The following NUP214 variants were observed in gnomAD, a reference collection of about 807,000 sequenced individuals.
The protein encoded by NUP214 is nuclear pore complex protein Nup214.
NUP214 carries 79 observed loss-of-function variants against 196.2 expected under a neutral mutation model. That is an observed-to-expected ratio of 0.40 (90% CI 0.34 to 0.49). NUP214 has a LOEUF of 0.49. NUP214 is among the 20% of genes least tolerant of loss of function. NUP214 has a pLI of 0.58. For synonymous variants in NUP214, 1,020 were observed against 990.5 expected, an observed-to-expected ratio of 1.03 and a Z score of -0.56; for missense variants, 2,468 against 2,539.0, an observed-to-expected ratio of 0.97 and a Z score of 0.60.
intron 30 of NUP214, among the ~76,000 whole-genome samples, chr9:131,205,085 G>C (rs560900733): frequency 5.1e-4 from 78 of 152,226 alleles, no homozygotes; most frequent in African/African-American, 1.8e-3. Flanking sequence ...TAGCAGACCT[G>C]ACTCCAGTCT....
chr9:131,202,159 G>A (rs559680723), intron 30 of NUP214, among the ~76,000 whole-genome samples: 6 of 152,162 alleles, frequency 3.9e-5, no homozygotes, highest in South Asian at 4.1e-4. Context: ...ACACAGTCTC[G>A]CTATGTTGTC....
intron 31 of NUP214, among the ~76,000 whole-genome samples, 182 bp downstream of exon 31, chr9:131,215,550 T>C (rs1344711721): frequency 1.3e-5 from 2 of 150,038 alleles, no homozygotes; most frequent in African/African-American, 4.9e-5. Flanking sequence ...TTTAATGAGA[T>C]GTCCTATATA....
Position 131,175,781 on chromosome 9 carries a change from GAA to G in NUP214, c.3319+162_3319+163del, listed in dbSNP as rs894559136. The G allele has an allele frequency of 2.1e-5, 23 of 1,093,074 alleles. No homozygotes were observed. The African/African-American group carries it at 3.4e-4, about 16-fold the overall frequency. The allele number at this position is 1,093,074 out of a possible 1,614,324, so 67.7% of individuals were successfully genotyped here. ...CTCCCCTTTGTGGAGAGAGTTCTAA[GAA>G]AGCAGAGACTAGGTCTGAAAATCTT... On this transcript the variant is annotated intron_variant, in intron 23 of 35. Coordinates refer to ENST00000359428, the MANE Select transcript of NUP214 (RefSeq NM_005085.4).
At position 131,197,345 on chromosome 9, in the gene NUP214, C is replaced by T. The variant is rs376295226; in HGVS notation, c.3851C>T (p.Thr1284Ile). 1 of 1,614,198 alleles carries T rather than the reference C, an allele frequency of 6.2e-7. No individual in the cohort carries two copies. ...PSGITSASNT[T>I]PGEPAASSSR... ...GGAATCACATCCGCATCAAACACCA[C>T]CCCAGGAGAACCTGCCGCATCTAGC... The change falls in exon 29 of 36, where the codon ACC becomes ATC. Residue 1284 changes from threonine to isoleucine, a missense_variant. Around this residue, in one of 5 missense-constraint regions of NUP214, gnomAD observed 1,801 missense variants for 1,779.4 expected, o/e 1.01. Coordinates refer to ENST00000359428, the MANE Select transcript of NUP214 (RefSeq NM_005085.4).
chr9:131,230,536 G>A (rs1834845192), intron 33 of NUP214, 94 bp from the exon 34 acceptor site: 2 of 1,446,226 alleles, frequency 1.4e-6, no homozygotes, highest in Non-Finnish European at 1.9e-6. Flanking sequence ...TGAGTGTCGT[G>A]TGTATTGGGA....
intron 28 of NUP214, 47 bp downstream of exon 28, chr9:131,195,341 T>TTA (rs1366029117): frequency 1.4e-6 from 2 of 1,475,288 alleles, no homozygotes; most frequent in Non-Finnish European, 9.5e-7. Flanking sequence ...TTTCTCTAAA[T>TTA]AAGTACAGGT....
chr9:131,171,547 C>CTT (rs11334591), intron 21 of NUP214, among the ~76,000 whole-genome samples: 1 of 127,350 alleles, frequency 7.9e-6, no homozygotes, highest in African/African-American at 3.0e-5. Flanking sequence ...GGAAGATTTT[C>CTT]TTTTTTTTTT....
At position 131,146,928 on chromosome 9, in the gene NUP214, CAA is replaced by C. The variant is rs562513502; in HGVS notation, c.1946-549_1946-548del. Among the ~76,000 whole-genome samples, 7 of 135,256 alleles carry C rather than the reference CAA, an allele frequency of 5.2e-5. No homozygotes were observed. The highest frequency in any genetic ancestry group is 2.3e-4 in the Admixed American group (3 of 13,250). The allele number at this position is 135,256 out of a possible 152,430, so 88.7% of individuals were successfully genotyped here. A position where few individuals can be genotyped will look rare whatever the true frequency, so the allele number is the denominator to read the frequency against. On this transcript the variant is annotated intron_variant, in intron 13 of 35. Coordinates refer to ENST00000359428, the MANE Select transcript of NUP214 (RefSeq NM_005085.4). This position sits in a 1 kb window ranked among gnomAD's most constrained non-coding sequence, Gnocchi z 4.6. ...CTGGCGACAGAGCGAGACTCTGTCTCAAAAAAAAAAAAAAGTACAGAGGAGAG... is the reference window on the plus strand; with the variant it reads ...CTGGCGACAGAGCGAGACTCTGTCTCAAAAAAAAAAAAGTACAGAGGAGAG...
Position 131,174,301 on chromosome 9 carries a change from G to T in NUP214, c.3140G>T (p.Gly1047Val). The T allele has an allele frequency of 1.2e-6, 2 of 1,612,534 alleles. No individual in the cohort carries two copies. The highest frequency in any genetic ancestry group is 1.7e-6 in the Non-Finnish European group (2 of 1,179,626). ...KSHLVHGSSP[G>V]VMGTSVATSA... ...CACCTGGTTCATGGTTCTTCACCTG[G>T]TGTGATGGGAACTTCAGGTAAGTAA... Residue 1047 changes from glycine (G) to valine (V), a missense_variant, in exon 22 of 36, where the codon GGT becomes GTT. Gly to Val is a moderately radical substitution (Grantham distance 109, BLOSUM62 -3). Coordinates refer to ENST00000359428, the MANE Select transcript of NUP214 (RefSeq NM_005085.4).
At chr9:131,203,030 C>G (rs1224757419) in intron 30 of NUP214, among the ~76,000 whole-genome samples, 2 of 151,876 alleles carry the variant, frequency 1.3e-5, no homozygotes, top group African/African-American at 4.8e-5. Context: ...ACTGCAAGCT[C>G]TGCCTCCCAG....
chr9:131,169,024 G>GTTTTT (rs539553381), intron 21 of NUP214, among the ~76,000 whole-genome samples: 13 of 48,908 alleles, frequency 2.7e-4, no homozygotes, highest in African/African-American at 8.7e-4. Flanking sequence ...TGCTTACTTT[G>GTTTTT]TTTTTTTTTG....
intron 30 of NUP214, among the ~76,000 whole-genome samples, chr9:131,214,420 A>G (rs1275785959): frequency 1.3e-5 from 2 of 152,200 alleles, no homozygotes; most frequent in Non-Finnish European, 2.9e-5. Flanking sequence ...GAGGATCCAT[A>G]GCACCGCTCT....
At position 131,159,385 on chromosome 9, in the gene NUP214, A is replaced by G. The variant is rs1832556355; in HGVS notation, c.2439A>G (p.Glu813=). 6.2e-7 allele frequency: 1 copy of G among 1,611,422 alleles called. No individual in the cohort carries two copies. Among genetic ancestry groups the G allele is most frequent in the African/African-American group, 1.3e-5 (1 of 74,826 alleles). ...LDPKSEAQLQ[E]IRRLHQYVKF... Reference sequence around the variant, plus strand: ...GCCTTTTAATTTTTTTCTTATAGGAAATTCGGCGCCTTCATCAGTATGTGA... The same window carrying G: ...GCCTTTTAATTTTTTTCTTATAGGAGATTCGGCGCCTTCATCAGTATGTGA... The change falls in exon 18 of 36, where the codon GAA becomes GAG. Residue 813 remains glutamate (E), a splice_region_variant and synonymous_variant. Transcript: ENST00000359428.
At chr9:131,222,746 C>T in intron 31 of NUP214, 32 bp from the exon 32 acceptor site, 1 of 1,601,262 alleles carries the variant, frequency 6.2e-7, no homozygotes, top group Non-Finnish European at 8.5e-7. Context: ...ATTTGTCTCC[C>T]TCTGACCTCC....
At chr9:131,126,086 G>T in intron 1 of NUP214, 1 of 341,784 alleles carries the variant, frequency 2.9e-6, no homozygotes, top group Non-Finnish European at 5.4e-6. Flanking sequence ...AGTCGTTAAC[G>T]TAGAGGAGTA....
Position 131,197,206 on chromosome 9 carries a change from T to C in NUP214, c.3722-10T>C. ...ATCCAACCCATTTTCTGATTTCTTT[T>C]TCTTGCTAGGGGCAACACCCTCCAC... On this transcript the variant is annotated splice_polypyrimidine_tract_variant and intron_variant, in intron 28 of 35. Coordinates refer to ENST00000359428, the MANE Select transcript of NUP214 (RefSeq NM_005085.4). 6.2e-7 allele frequency: 1 copy of C among 1,607,582 alleles called. No homozygotes were observed. Among genetic ancestry groups the C allele is most frequent in the Non-Finnish European group, 8.5e-7 (1 of 1,175,290 alleles).
chr9:131,218,121 C>T (rs540437161), intron 31 of NUP214, among the ~76,000 whole-genome samples: 2 of 152,312 alleles, frequency 1.3e-5, no homozygotes, highest in East Asian at 3.9e-4. Context: ...TGGCTGTTAA[C>T]TATAAACCAA....
At chr9:131,205,968 C>T (rs781460731) in intron 30 of NUP214, among the ~76,000 whole-genome samples, 37 of 152,022 alleles carry the variant, frequency 2.4e-4, no homozygotes, top group Non-Finnish European at 4.6e-4. Flanking sequence ...CAGTCATGAG[C>T]CACCATGCCC....
intron 1 of NUP214, among the ~76,000 whole-genome samples, 154 bp from the exon 2 acceptor site, chr9:131,127,370 G>A (rs563816955): frequency 2.0e-4 from 31 of 152,216 alleles, no homozygotes; most frequent in South Asian, 1.2e-3. Flanking sequence ...ACGACAGAGC[G>A]AGACTCCATC....
Sources: gnomAD v4.1 joint callset for allele counts (sites outside exome capture counted in the v4.1 genomes callset) on GRCh38, gnomAD v4.1.1 for gene constraint, gnomAD v4.1.1 regional missense constraint, Gnocchi (gnomAD v3.1) non-coding constraint, MANE v1.5 for transcripts, NCBI Gene and HGNC (gene_info 2026-07-23, HGNC 2026-07-21) for gene names.